Variants in PGPEP1L observed in about 807,000 individuals in gnomAD.
The protein encoded by PGPEP1L is pyroglutamyl-peptidase I like.
PGPEP1L carries 7 observed loss-of-function variants against 6.0 expected under a neutral mutation model. The ratio of observed to expected loss-of-function variants is 1.17; its 90% confidence interval spans 0.66 to 2.19. The LOEUF (loss-of-function observed/expected upper bound fraction) is 2.19. Ranked by LOEUF, PGPEP1L falls within the 30% of genes most tolerant of loss-of-function variation. The probability of loss-of-function intolerance (pLI) is 0.00; values close to 1 mark genes in which losing one functional copy is unlikely to be tolerated. For synonymous variants in PGPEP1L, 103 were observed against 83.9 expected (o/e 1.23, Z -1.24); for missense variants, 209 against 192.5 (o/e 1.09, Z -0.51).
Position 98,971,038 on chromosome 15 carries a change from G to A in PGPEP1L, c.-21C>T. ...CACTGCCTCTGGCCATCACTTACTT[G>A]CGGCTGATGATCTTCCCAGATTCCG... On this transcript the variant is annotated splice_region_variant and 5_prime_UTR_variant, in exon 3 of 5. Coordinates refer to ENST00000535714, the MANE Select transcript of PGPEP1L (RefSeq NM_001167902.2). 1 of 1,613,700 alleles carries A rather than the reference G, an allele frequency of 6.2e-7. No individual in the cohort carries two copies. The highest frequency in any genetic ancestry group is 1.1e-5 in the South Asian group (1 of 91,076).
At chr15:98,969,398 C>CA (rs1451948013) in intron 4 of PGPEP1L, 27 bp downstream of exon 4, 4 of 1,613,052 alleles carry the variant, frequency 2.5e-6, no homozygotes, top group Admixed American at 3.3e-5. Context: ...CCTACCTGCT[C>CA]AGAGTCCTGA....
At chr15:98,982,140 G>T (rs2017673160) in intron 2 of PGPEP1L, among the ~76,000 whole-genome samples, 1 of 152,346 alleles carries the variant, frequency 6.6e-6, no homozygotes, top group African/African-American at 2.4e-5. Context: ...TTTACTAGGA[G>T]CACGGTGTTT....
intron 2 of PGPEP1L, among the ~76,000 whole-genome samples, chr15:98,978,519 TGAGAA>T (rs1231607180): frequency 6.6e-6 from 1 of 152,038 alleles, no homozygotes; most frequent in African/African-American, 2.4e-5. Flanking sequence ...AGGATGGAGA[TGAGAA>T]AAGGTTTGCC....
At chr15:98,988,226 G>A (rs1182645508) in intron 2 of PGPEP1L, among the ~76,000 whole-genome samples, 2 of 152,158 alleles carry the variant, frequency 1.3e-5, no homozygotes, top group Admixed American at 1.3e-4. Context: ...AGCCCAACAA[G>A]CTAAGATCCA....
At position 98,971,131 on chromosome 15, in the gene PGPEP1L, C is replaced by A. The variant is rs1366936463; in HGVS notation, c.-114G>T. On this transcript the variant is annotated 5_prime_UTR_variant, in exon 3 of 5. It removes an upstream start codon present in the reference 5' UTR. Transcript: ENST00000535714. ...AGAGTCCGCAGCTGCACCACTGTTT[C>A]ATTCCCCAGGCCCAGCTTGGAGAGC... 3 of 1,608,488 alleles carry A rather than the reference C, an allele frequency of 1.9e-6. No homozygotes were observed. Among genetic ancestry groups the A allele is most frequent in the Non-Finnish European group, 8.5e-7 (1 of 1,178,168 alleles).
At position 98,988,983 on chromosome 15, in the gene PGPEP1L, C is replaced by G. The variant is rs189085941; in HGVS notation, c.-142+16446G>C. On this transcript the variant is annotated intron_variant, in intron 2 of 4. Coordinates refer to ENST00000535714, the MANE Select transcript of PGPEP1L (RefSeq NM_001167902.2). ...CACAGAAACCCCATTTGAAGGTCAC[C>G]AACATCAGAGACCAAAGGTAGAAAA... Among the ~76,000 whole-genome samples the G allele has an allele frequency of 2.8e-4, 43 of 152,214 alleles. No homozygotes were observed. In the East Asian group the frequency reaches 5.0e-3, roughly 18 times the overall value.
chr15:98,986,388 T>C (rs1223505005), intron 2 of PGPEP1L, among the ~76,000 whole-genome samples: 1 of 152,238 alleles, frequency 6.6e-6, no homozygotes, highest in Non-Finnish European at 1.5e-5. Context: ...TAATCAGTCA[T>C]GTCTACATAA....
intron 1 of PGPEP1L, among the ~76,000 whole-genome samples, 185 bp from the exon 2 acceptor site, chr15:99,005,841 G>A (rs1476399515): frequency 6.6e-6 from 1 of 152,198 alleles, no homozygotes; most frequent in Non-Finnish European, 1.5e-5. Flanking sequence ...ACAGAAGGAT[G>A]TCTGGGACGG....
intron 2 of PGPEP1L, among the ~76,000 whole-genome samples, chr15:98,986,959 GA>G (rs2017754959): frequency 1.3e-5 from 2 of 151,920 alleles, no homozygotes; most frequent in African/African-American, 4.8e-5. Flanking sequence ...AAGAGGTCAG[GA>G]GATGGAGACC....
chr15:98,989,883 G>C (rs2017796277), intron 2 of PGPEP1L, among the ~76,000 whole-genome samples: 1 of 152,090 alleles, frequency 6.6e-6, no homozygotes, highest in Non-Finnish European at 1.5e-5. Context: ...GCCAAACTAA[G>C]CTTCATAAGC....
chr15:98,991,204 A>T (rs2017815248), intron 2 of PGPEP1L, among the ~76,000 whole-genome samples: 2 of 152,148 alleles, frequency 1.3e-5, no homozygotes, highest in African/African-American at 4.8e-5. Flanking sequence ...CAAAATAGAT[A>T]ATATGCTAGC....
At chr15:98,969,303 C>G in intron 4 of PGPEP1L, 122 bp downstream of exon 4, 1 of 1,221,358 alleles carries the variant, frequency 8.2e-7, no homozygotes, top group Non-Finnish European at 1.2e-6. Context: ...AATCTGGGGG[C>G]GGCACCGCAT....
chr15:98,984,017 T>C, intron 2 of PGPEP1L, among the ~76,000 whole-genome samples: 1 of 92,056 alleles, frequency 1.1e-5, no homozygotes, highest in African/African-American at 3.4e-5. Flanking sequence ...GTCTTTTTTT[T>C]TTTTTTTTTT....
chr15:98,983,067 A>G (rs1596518249), intron 2 of PGPEP1L, among the ~76,000 whole-genome samples: 2 of 152,194 alleles, frequency 1.3e-5, no homozygotes, highest in South Asian at 2.1e-4. Flanking sequence ...GACTAATTGG[A>G]AAAATGTCTG....
chr15:99,001,762 G>A (rs56005311), intron 2 of PGPEP1L, among the ~76,000 whole-genome samples: 12,026 of 152,182 alleles, frequency 0.079, 555 homozygotes, highest in South Asian at 0.12. Flanking sequence ...CTGTCACGTA[G>A]GCTGGAGTGC....
intron 2 of PGPEP1L, among the ~76,000 whole-genome samples, chr15:99,000,078 G>C (rs113105840): frequency 6.6e-6 from 1 of 152,236 alleles, no homozygotes; most frequent in Admixed American, 6.5e-5. Context: ...CCGGGGCTGC[G>C]TGCAGTGCTT....
intron 2 of PGPEP1L, among the ~76,000 whole-genome samples, chr15:99,004,785 C>G (rs1421709114): frequency 1.1e-4 from 16 of 152,078 alleles, no homozygotes; most frequent in African/African-American, 3.9e-4. Flanking sequence ...GGGATGCTGA[C>G]TTGGTGAGGC....
chr15:98,986,096 A>G (rs1383757466), intron 2 of PGPEP1L, among the ~76,000 whole-genome samples: 2 of 152,180 alleles, frequency 1.3e-5, no homozygotes, highest in African/African-American at 4.8e-5. Flanking sequence ...TCCTCTCCCT[A>G]AACAGGAACC....
intron 2 of PGPEP1L, among the ~76,000 whole-genome samples, chr15:98,992,910 C>T (rs1490849532): frequency 6.6e-6 from 1 of 152,190 alleles, no homozygotes; most frequent in Non-Finnish European, 1.5e-5. Context: ...AAAGCTGAAA[C>T]TGGAACCCTT....
Sources: gnomAD v4.1 joint callset for allele counts (sites outside exome capture counted in the v4.1 genomes callset) on GRCh38, gnomAD v4.1.1 for gene constraint, MANE v1.5 for transcripts, NCBI Gene and HGNC (gene_info 2026-07-23, HGNC 2026-07-21) for gene names.